BTBD3: variants seen among roughly 807,000 people sequenced by gnomAD.
BTBD3 encodes the protein BTB domain containing 3, also known as BTB/POZ domain-containing protein 3.
BTBD3 carries 14 observed loss-of-function variants against 41.6 expected under a neutral mutation model. The ratio of observed to expected loss-of-function variants is 0.34; its 90% confidence interval spans 0.22 to 0.53. The LOEUF (loss-of-function observed/expected upper bound fraction) is 0.53, where lower values mean the gene tolerates loss of function less well. BTBD3 is among the 20% of genes least tolerant of loss of function. The pLI is 0.95. For missense variants in BTBD3, 426 were observed against 654.7 expected, an observed-to-expected ratio of 0.65 and a Z score of 3.81; for synonymous variants, 249 against 233.7, an observed-to-expected ratio of 1.07 and a Z score of -0.60.
rs1379098698 is a variant in BTBD3 at position 11,923,301 on chromosome 20, G to T, written c.1204G>T (p.Asp402Tyr). 1 of 1,614,226 alleles carries T rather than the reference G, an allele frequency of 6.2e-7. No individual in the cohort carries two copies. Among genetic ancestry groups the T allele is most frequent in the Non-Finnish European group, 8.5e-7 (1 of 1,180,048 alleles). ...CTGTGACAGCATCCAGTTTGCAGTT[G>T]ATAAAAGAGTGTTCATTGCTGGCTT... ...GRCDSIQFAV[D>Y]KRVFIAGFGL... is the part of the protein sequence containing the mutation. The change falls in exon 4 of 4, where the codon GAT becomes TAT. Residue 402 changes from aspartate to tyrosine, a missense_variant. Asp to Tyr is a radical substitution (Grantham distance 160). Transcript: ENST00000378226. This position sits in a 1 kb window ranked among gnomAD's most constrained non-coding sequence, Gnocchi z 5.3.
rs931486587 is a variant in BTBD3 at position 11,925,301 on chromosome 20, C to T, written c.*1635C>T. 1.3e-4 allele frequency: 20 copies of T among 152,696 alleles called. No homozygotes were observed. The highest frequency in any genetic ancestry group is 2.1e-4 in the South Asian group (1 of 4,834). The allele number at this position is 152,696 out of a possible 1,614,324, so 9.5% of individuals were successfully genotyped here. ...TAAGAGGTGGGACAGTAATGGTCCT[C>T]CTGCTGGCCCCAGCAAGGCCCATGA... is the stretch of plus-strand genomic sequence containing the variant. On this transcript the variant is annotated 3_prime_UTR_variant, in exon 4 of 4. Coordinates refer to ENST00000378226, the MANE Select transcript of BTBD3 (RefSeq NM_014962.4).
At chr20:11,915,320 A>G (rs1462798394), upstream of BTBD3, among the ~76,000 whole-genome samples, 5 of 152,178 alleles carry the variant, frequency 3.3e-5, no homozygotes, top group Non-Finnish European at 7.4e-5. Context: ...CCTAATCAGA[A>G]GAATTTCAGA....
At chr20:11,912,195 T>G (rs747578353) in intron 1 of BTBD3, among the ~76,000 whole-genome samples, 3 of 152,182 alleles carry the variant, frequency 2.0e-5, no homozygotes, top group Non-Finnish European at 4.4e-5. Flanking sequence ...GAATTCAAAC[T>G]GGGTCATTGT....
chr20:11,891,413 GGC>G (rs1407735975), intron 1 of BTBD3: 1 of 151,952 alleles, frequency 6.6e-6, no homozygotes, highest in Non-Finnish European at 1.5e-5. Context: ...CTCCCGGGGA[GGC>G]GCGCGGTGGG....
rs1340951118 is a variant in BTBD3 at position 11,922,757 on chromosome 20, G to T, written c.660G>T (p.Leu220=). The T allele has an allele frequency of 3.1e-6, 5 of 1,614,228 alleles. No homozygotes were observed. Among genetic ancestry groups the T allele is most frequent in the Non-Finnish European group, 3.4e-6 (4 of 1,180,044 alleles). The change falls in exon 4 of 4, where the codon CTG becomes CTT. Residue 220 remains leucine, a synonymous_variant. Coordinates refer to ENST00000378226, the MANE Select transcript of BTBD3 (RefSeq NM_014962.4). The part of the protein sequence containing the change: ...RACVNFLETS[L]SAKNACVLLS... The stretch of plus-strand genomic sequence containing the variant: ...GTGTTAATTTCCTGGAGACCAGCCT[G>T]AGTGCCAAGAATGCCTGTGTGCTCC...
chr20:11,906,155 A>G (rs998452798), intron 1 of BTBD3, among the ~76,000 whole-genome samples: 1 of 151,776 alleles, frequency 6.6e-6, no homozygotes, highest in Non-Finnish European at 1.5e-5. Flanking sequence ...CTGGTGGTAA[A>G]GGTTCCATAA....
upstream of BTBD3, chr20:11,913,463 C>T (rs948459202): frequency 6.6e-6 from 1 of 152,078 alleles, no homozygotes; most frequent in African/African-American, 2.4e-5. Flanking sequence ...TCTTTGTAAA[C>T]TTTAAAAGAA....
rs2056930353 is a variant in BTBD3 at position 11,917,980 on chromosome 20, T to A, written c.-296T>A. 1 of 1,112,932 alleles carries A rather than the reference T, an allele frequency of 9.0e-7. No individual in the cohort carries two copies. The highest frequency in any genetic ancestry group is 5.4e-5 in the East Asian group (1 of 18,478). The allele number at this position is 1,112,932 out of a possible 1,614,324, so 68.9% of individuals were successfully genotyped here. ...TCAGAAAAGAAGTGCTACAGCTCTG[T>A]GCCTGTCATCTTTGCAGTGTAGCAT... On this transcript the variant is annotated 5_prime_UTR_variant, in exon 1 of 4. Coordinates refer to ENST00000378226, the MANE Select transcript of BTBD3 (RefSeq NM_014962.4).
chr20:11,919,902 A>G, intron 3 of BTBD3, 66 bp downstream of exon 3: 1 of 1,371,294 alleles, frequency 7.3e-7, no homozygotes, highest in Non-Finnish European at 1.0e-6. Flanking sequence ...CTGGTTTCAC[A>G]GTTAAATTTA....
chr20:11,918,814 G>T (rs2056940667), intron 1 of BTBD3: 1 of 596,498 alleles, frequency 1.7e-6, no homozygotes, highest in Non-Finnish European at 2.8e-6. Flanking sequence ...ACATTCAAGT[G>T]ACAGGGTTGT....
chr20:11,906,265 T>TTTTTTTTTTTTTC (rs2056853874), intron 1 of BTBD3, among the ~76,000 whole-genome samples: 1 of 113,282 alleles, frequency 8.8e-6, no homozygotes, highest in Non-Finnish European at 1.9e-5. Context: ...TTTTTTTTTT[T>TTTTTTTTTTTTTC]TTTTTTTTTT....
At position 11,922,504 on chromosome 20, in the gene BTBD3, G is replaced by T. The variant is rs926203285; in HGVS notation, c.537-130G>T. 8.4e-6 allele frequency: 6 copies of T among 717,328 alleles called. No individual in the cohort carries two copies. In the African/African-American group the frequency reaches 1.1e-4, roughly 13 times the overall value. 44.4% of individuals were successfully genotyped at this position (717,328 alleles called of 1,614,324 possible). ...TATGTTTCGAATGTTCCTTTACTCT[G>T]CAAATATGTTTGTATTAACTGTCAC... On this transcript the variant is annotated intron_variant, in intron 3 of 3. Coordinates refer to ENST00000378226, the MANE Select transcript of BTBD3 (RefSeq NM_014962.4).
chr20:11,894,901 T>A (rs1473138203), intron 1 of BTBD3, among the ~76,000 whole-genome samples: 1 of 152,174 alleles, frequency 6.6e-6, no homozygotes, highest in Non-Finnish European at 1.5e-5. Context: ...CAATAAGGCT[T>A]TTAGACTTTA....
At chr20:11,891,309 C>A (rs1323866764) in intron 1 of BTBD3, 1 of 151,650 alleles carries the variant, frequency 6.6e-6, no homozygotes, top group Non-Finnish European at 1.5e-5. Flanking sequence ...TGCGGACGCC[C>A]GCGGGGTGCG....
chr20:11,911,233 G>A (rs1156556355), intron 1 of BTBD3, among the ~76,000 whole-genome samples: 1 of 152,136 alleles, frequency 6.6e-6, no homozygotes, highest in Non-Finnish European at 1.5e-5. Context: ...TGGCGAGGGT[G>A]GGGGAGGCAC....
intron 1 of BTBD3, 158 bp from the exon 2 acceptor site, chr20:11,918,928 G>A (rs2056941794): frequency 1.7e-6 from 1 of 605,354 alleles, no homozygotes; most frequent in African/African-American, 1.9e-5. Context: ...TGTTTGCAAT[G>A]ATTATGAACA....
At chr20:11,918,647 G>GA (rs1490034381) in intron 1 of BTBD3, 46 bp downstream of exon 1, 2 of 1,513,580 alleles carry the variant, frequency 1.3e-6, no homozygotes, top group African/African-American at 2.8e-5. Context: ...TTCCTGTGTT[G>GA]AAGTTTCTGC....
intron 1 of BTBD3, chr20:11,891,016 CCCGGGCAGGGGCGCGCGCCCTGCGGCCGG>C (rs2056748036): frequency 1.0e-6 from 1 of 971,750 alleles, no homozygotes; most frequent in African/African-American, 1.8e-5. Flanking sequence ...CGCGGGACCG[CCCGGGCAGGGGCGCGCGCCCTGCGGCCGG>C]CCGGAGGGGC....
In BTBD3 at chr20:11,918,535, A is replaced by C; in HGVS notation, c.260A>C (p.Asn87Thr). 6.2e-7 allele frequency: 1 copy of C among 1,614,110 alleles called. No individual in the cohort carries two copies. The highest frequency in any genetic ancestry group is 1.1e-5 in the South Asian group (1 of 91,054). ...STSVQQYHQQ[N>T]LSNNNLIPAP... ...AGCGTCCAGCAGTACCACCAGCAGAATCTCAGTAACAACAACCTTATCCCG... is the reference window on the plus strand; with the variant it reads ...AGCGTCCAGCAGTACCACCAGCAGACTCTCAGTAACAACAACCTTATCCCG... Residue 87 changes from asparagine (N) to threonine (T), a missense_variant, in exon 1 of 4, where the codon AAT becomes ACT. By Grantham distance (65) the Asn-to-Thr change is moderately conservative. This residue lies in a region of BTBD3 where 52 missense variants were observed against 45.1 expected (regional missense o/e 1.15). Transcript: ENST00000378226.
Sources: gnomAD v4.1 joint callset for allele counts (sites outside exome capture counted in the v4.1 genomes callset) on GRCh38, gnomAD v4.1.1 for gene constraint, gnomAD v4.1.1 regional missense constraint, Gnocchi (gnomAD v3.1) non-coding constraint, MANE v1.5 for transcripts, NCBI Gene and HGNC (gene_info 2026-07-23, HGNC 2026-07-21) for gene names.